SCN7A: variants seen among roughly 807,000 people sequenced by gnomAD.
SCN7A encodes sodium channel protein type 7 subunit alpha.
Under a neutral mutation model 155.2 loss-of-function variants are expected in SCN7A, and 138 were observed. That is an observed-to-expected ratio of 0.89 (90% CI 0.77 to 1.02). The LOEUF (loss-of-function observed/expected upper bound fraction) is 1.02, where lower values mean the gene tolerates loss of function less well. SCN7A is among the 50% of genes least tolerant of loss of function. SCN7A has a pLI of 0.00. For synonymous variants in SCN7A, 693 were observed against 649.0 expected, an observed-to-expected ratio of 1.07 and a Z score of -1.03; for missense variants, 2,058 against 1,986.6, an observed-to-expected ratio of 1.04 and a Z score of -0.68.
chr2:166,414,083 ATG>A (rs1290838633), intron 21 of SCN7A, among the ~76,000 whole-genome samples: 9 of 91,832 alleles, frequency 9.8e-5, no homozygotes, highest in African/African-American at 3.1e-4. Context: ...ATGTAAATAT[ATG>A]TAAATATATA....
At chr2:166,452,653 A>AT (rs1288551787) in intron 11 of SCN7A, among the ~76,000 whole-genome samples, 1 of 152,106 alleles carries the variant, frequency 6.6e-6, no homozygotes, top group Non-Finnish European at 1.5e-5. Flanking sequence ...TCTTCCTGAG[A>AT]TTTTGCCAGT....
chr2:166,459,102 C>T (rs187742994), intron 10 of SCN7A, among the ~76,000 whole-genome samples: 2 of 152,090 alleles, frequency 1.3e-5, no homozygotes, highest in African/African-American at 2.4e-5. Flanking sequence ...GATAACTATA[C>T]TTTATGCTTA....
At chr2:166,418,235 C>T (rs1039368452) in intron 20 of SCN7A, among the ~76,000 whole-genome samples, 1 of 148,996 alleles carries the variant, frequency 6.7e-6, no homozygotes, top group Admixed American at 6.7e-5. Context: ...ATTCTCCTGC[C>T]TCAGCTTCTG....
intron 15 of SCN7A, among the ~76,000 whole-genome samples, chr2:166,439,053 G>GTATATACATATATATATATATA (rs1283353813): frequency 3.5e-5 from 3 of 86,110 alleles, no homozygotes; most frequent in African/African-American, 1.6e-4. Flanking sequence ...GTGTGTGTGT[G>GTATATACATATATATATATATA]TGTATATATA....
chr2:166,409,900 T>C lies in SCN7A; in HGVS notation c.3747A>G (p.Thr1249=), dbSNP rs1347506783. The C allele has an allele frequency of 6.4e-7, 1 of 1,569,578 alleles. No individual in the cohort carries two copies. ...KLQGFIFDVV[T]SQAFNVIVMV... ...TAACAATGACATTAAAAGCTTGGCT[T>C]GTTACCACATCAAAGATGAATCCTT... The change falls in exon 25 of 26, where the codon ACA becomes ACG. Residue 1249 remains threonine, a synonymous_variant. Transcript: ENST00000643258.
intron 7 of SCN7A, among the ~76,000 whole-genome samples, chr2:166,466,231 G>A (rs1702531237): frequency 6.6e-6 from 1 of 151,894 alleles, no homozygotes. Context: ...TTAATCATTT[G>A]TTTGTTTCTC....
At position 166,409,915 on chromosome 2, in the gene SCN7A, G is replaced by T; in HGVS notation, c.3732C>A (p.Ile1244=). The T allele has an allele frequency of 6.4e-7, 1 of 1,567,972 alleles. No individual in the cohort carries two copies. The highest frequency in any genetic ancestry group is 8.7e-7 in the Non-Finnish European group (1 of 1,155,022). ...PRPLNKLQGF[I]FDVVTSQAFN... Reference sequence around the variant, plus strand: ...AAGCTTGGCTTGTTACCACATCAAAGATGAATCCTTGGAGCTTGTTCTGTG... The same window carrying T: ...AAGCTTGGCTTGTTACCACATCAAATATGAATCCTTGGAGCTTGTTCTGTG... The change falls in exon 25 of 26, where the codon ATC becomes ATA. Residue 1244 remains isoleucine (I), a synonymous_variant. Coordinates refer to ENST00000643258, the MANE Select transcript of SCN7A (RefSeq NM_002976.4).
chr2:166,434,114 T>C (rs1701789649), intron 15 of SCN7A, among the ~76,000 whole-genome samples: 1 of 152,118 alleles, frequency 6.6e-6, no homozygotes, highest in African/African-American at 2.4e-5. Flanking sequence ...AAATTTTAGA[T>C]CTATGTGAAC....
At chr2:166,462,608 C>G in intron 9 of SCN7A, 78 bp from the exon 10 acceptor site, 1 of 1,389,036 alleles carries the variant, frequency 7.2e-7, no homozygotes, top group Admixed American at 2.0e-5. Context: ...TATAGAACAT[C>G]AGTCCTGAGT....
chr2:166,478,611 A>G (rs1702852906), intron 2 of SCN7A, among the ~76,000 whole-genome samples: 1 of 151,818 alleles, frequency 6.6e-6, no homozygotes, highest in Non-Finnish European at 1.5e-5. Flanking sequence ...AAAAATAAAA[A>G]CTCAAACTAA....
At chr2:166,424,396 G>A (rs1391419805) in intron 18 of SCN7A, among the ~76,000 whole-genome samples, 1 of 151,996 alleles carries the variant, frequency 6.6e-6, no homozygotes, top group Non-Finnish European at 1.5e-5. Flanking sequence ...AAAACAGTAC[G>A]AAGTTTAAAA....
At chr2:166,414,888 T>C (rs1425094513) in intron 21 of SCN7A, among the ~76,000 whole-genome samples, 1 of 75,014 alleles carries the variant, frequency 1.3e-5, no homozygotes, top group African/African-American at 5.3e-5. Context: ...GGATAATATA[T>C]AATATATATT....
At chr2:166,432,811 GAA>G (rs1701762835) in intron 15 of SCN7A, 59 bp from the exon 16 acceptor site, 1 of 1,294,374 alleles carries the variant, frequency 7.7e-7, no homozygotes. Context: ...TTTAAGTAAT[GAA>G]AAGTTTGTTT....
intron 18 of SCN7A, among the ~76,000 whole-genome samples, chr2:166,427,406 G>A (rs1701646737): frequency 6.6e-6 from 1 of 151,866 alleles, no homozygotes; most frequent in Non-Finnish European, 1.5e-5. Flanking sequence ...TCCTTTGATA[G>A]GTACCAAAGT....
chr2:166,413,726 A>G (rs1575001962), intron 21 of SCN7A, among the ~76,000 whole-genome samples: 1 of 151,784 alleles, frequency 6.6e-6, no homozygotes, highest in East Asian at 2.0e-4. Context: ...ACACAATCTA[A>G]TCAGCTGCCA....
chr2:166,442,332 C>T (rs186502194), intron 14 of SCN7A, among the ~76,000 whole-genome samples: 6 of 152,184 alleles, frequency 3.9e-5, no homozygotes, highest in Admixed American at 1.3e-4. Context: ...AACTTACTGT[C>T]GATTAGATCT....
At chr2:166,423,569 G>A in intron 18 of SCN7A, 137 bp from the exon 19 acceptor site, 1 of 936,056 alleles carries the variant, frequency 1.1e-6, no homozygotes, top group South Asian at 2.4e-5. Flanking sequence ...TCCAGGGCTG[G>A]TTCACTATGC....
chr2:166,416,685 G>T, intron 21 of SCN7A, 22 bp downstream of exon 21: 1 of 1,562,550 alleles, frequency 6.4e-7, no homozygotes, highest in South Asian at 1.2e-5. Flanking sequence ...AATTAATAAG[G>T]AAAAGTCAAA....
At position 166,459,818 on chromosome 2, in the gene SCN7A, C is replaced by T. The variant is rs141463419; in HGVS notation, c.1083+2571G>A. ...GCCATAAAAAAGAATGAGTTCATGT[C>T]CTTTGCAGGCACATGGATGAAGCTG... On this transcript the variant is annotated intron_variant, in intron 10 of 25. Transcript: ENST00000643258. Among the ~76,000 whole-genome samples the T allele has an allele frequency of 3.9e-3, 597 of 152,284 alleles. 2 individuals carry two copies. The highest frequency in any genetic ancestry group is 5.6e-3 in the Non-Finnish European group (383 of 68,020).
Sources: gnomAD v4.1 joint callset for allele counts (sites outside exome capture counted in the v4.1 genomes callset) on GRCh38, gnomAD v4.1.1 for gene constraint, MANE v1.5 for transcripts, NCBI Gene and HGNC (gene_info 2026-07-23, HGNC 2026-07-21) for gene names.